The following KRTDAP variants were observed in gnomAD, a reference collection of about 807,000 sequenced individuals.
The protein encoded by KRTDAP is keratinocyte differentiation associated protein.
KRTDAP carries 14 observed loss-of-function variants against 18.6 expected under a neutral mutation model. The observed-to-expected ratio is 0.75, with a 90% CI of 0.50 to 1.18. The LOEUF (loss-of-function observed/expected upper bound fraction) is 1.18. Ranked by LOEUF, KRTDAP falls within the 50% of genes most tolerant of loss-of-function variation. KRTDAP has a pLI of 0.00. For synonymous variants in KRTDAP, 53 were observed against 49.5 expected, an observed-to-expected ratio of 1.07 and a Z score of -0.29; for missense variants, 114 against 121.3, an observed-to-expected ratio of 0.94 and a Z score of 0.28.
Position 35,488,732 on chromosome 19 carries a change from G to C in KRTDAP, c.127-29C>G, listed in dbSNP as rs749885487. ...GGCAGAAACGCAGGGTGTTAGGAAAGTTGCTAAGAAGCAAAAAGAGAGAGA... is the reference window on the plus strand; with the variant it reads ...GGCAGAAACGCAGGGTGTTAGGAAACTTGCTAAGAAGCAAAAAGAGAGAGA... On this transcript the variant is annotated intron_variant, in intron 2 of 5. Transcript: ENST00000338897. The C allele has an allele frequency of 3.7e-6, 6 of 1,614,190 alleles. No homozygotes were observed. The South Asian group carries it at 6.6e-5, about 18-fold the overall frequency.
intron 4 of KRTDAP, 86 bp downstream of exon 4, chr19:35,488,355 C>T: frequency 7.3e-7 from 1 of 1,369,168 alleles, no homozygotes. Context: ...AGGAACCAAC[C>T]CATACATTTA....
At chr19:35,490,250 G>T in intron 1 of KRTDAP, 106 bp downstream of exon 1, 1 of 658,020 alleles carries the variant, frequency 1.5e-6, no homozygotes, top group East Asian at 2.7e-5. Flanking sequence ...GCCCCCATCA[G>T]AATCCAAAAC....
chr19:35,489,805 G>A lies in KRTDAP; in HGVS notation c.87+551C>T, dbSNP rs896753435. Among the ~76,000 whole-genome samples the A allele has an allele frequency of 3.9e-5, 6 of 152,184 alleles. No individual in the cohort carries two copies. In the South Asian group the frequency reaches 1.2e-3, roughly 32 times the overall value. On this transcript the variant is annotated intron_variant, in intron 1 of 5. Coordinates refer to ENST00000338897, the MANE Select transcript of KRTDAP (RefSeq NM_207392.3). The stretch of plus-strand genomic sequence containing the variant: ...CCCGTCACCTGGGCACCACTCCCAG[G>A]GGCACAAATGAAGCAAAGAGGAGCT...
In KRTDAP at chr19:35,488,645, C is replaced by T. The variant is rs780193163; in HGVS notation, c.168+17G>A. On this transcript the variant is annotated intron_variant, in intron 3 of 5. Transcript: ENST00000338897. ...ATGAGGGTATTCGTGGGGGTAGCAC[C>T]AGAGAAGCGTACTCACAGATCGCAA... 2 of 1,614,060 alleles carry T rather than the reference C, an allele frequency of 1.2e-6. No individual in the cohort carries two copies. Among genetic ancestry groups the T allele is most frequent in the Admixed American group, 3.3e-5 (2 of 60,016 alleles).
Position 35,487,749 on chromosome 19 carries a change from C to T in KRTDAP, c.224G>A (p.Arg75Lys). ...NWHALFESIKRKLPFLNWDAF... is the reference protein window; with the variant it reads ...NWHALFESIKKKLPFLNWDAF... ...ATCCCAGTTGAGGAAAGGAAGTTTC[C>T]TTTTGATAGACTAAAAGAAAGAAAG... The change falls in exon 5 of 6, where the codon AGG becomes AAG. Residue 75 changes from arginine to lysine, a missense_variant. Transcript: ENST00000338897. 6.2e-7 allele frequency: 1 copy of T among 1,613,180 alleles called. No individual in the cohort carries two copies.
chr19:35,488,941 C>T, intron 1 of KRTDAP, 101 bp from the exon 2 acceptor site: 4 of 1,143,454 alleles, frequency 3.5e-6, no homozygotes, highest in Middle Eastern at 2.7e-4. Context: ...ACAGCCCAGT[C>T]CCCGAAAGAA....
At position 35,488,822 on chromosome 19, in the gene KRTDAP, T is replaced by C; in HGVS notation, c.106A>G (p.Asn36Asp). 6.2e-7 allele frequency: 1 copy of C among 1,614,022 alleles called. No individual in the cohort carries two copies. The highest frequency in any genetic ancestry group is 1.3e-5 in the African/African-American group (1 of 75,002). ...GGPEEESTIENYASRPEAFNT... is the reference protein window; with the variant it reads ...GGPEEESTIEDYASRPEAFNT... ...CTTACCTCGGGTCGTGACGCATAATTCTCAATGGTGCTTTCTTCCTGGAAA... is the reference window on the plus strand; with the variant it reads ...CTTACCTCGGGTCGTGACGCATAATCCTCAATGGTGCTTTCTTCCTGGAAA... Residue 36 changes from asparagine (N) to aspartate (D), a missense_variant, in exon 2 of 6, where the codon AAT becomes GAT. Asn to Asp is a conservative substitution (Grantham distance 23, BLOSUM62 1). Coordinates refer to ENST00000338897, the MANE Select transcript of KRTDAP (RefSeq NM_207392.3).
At chr19:35,488,979 G>C (rs866279392) in intron 1 of KRTDAP, 139 bp from the exon 2 acceptor site, 1 of 737,006 alleles carries the variant, frequency 1.4e-6, no homozygotes, top group Non-Finnish European at 2.3e-6. Context: ...CATGGTCTCC[G>C]TTCCAGTCGC....
chr19:35,487,809 A>C, intron 4 of KRTDAP, 50 bp from the exon 5 acceptor site: 1 of 1,242,332 alleles, frequency 8.0e-7, no homozygotes, highest in Non-Finnish European at 1.2e-6. Context: ...TCAGCCGGGC[A>C]TGGATGGGTA....
At position 35,487,388 on chromosome 19, in the gene KRTDAP, C is replaced by A; in HGVS notation, c.*40G>T. On this transcript the variant is annotated 3_prime_UTR_variant, in exon 6 of 6. Coordinates refer to ENST00000338897, the MANE Select transcript of KRTDAP (RefSeq NM_207392.3). ...GAAAGAGTTATGGTAGGTTGAGAAT[C>A]AGCGCTCACGCTAGCCCCCTCTTCC... The A allele has an allele frequency of 6.3e-7, 1 of 1,597,658 alleles. No individual in the cohort carries two copies. Among genetic ancestry groups the A allele is most frequent in the South Asian group, 1.1e-5 (1 of 90,782 alleles).
chr19:35,487,480 G>A lies in KRTDAP; in HGVS notation c.262-14C>T. On this transcript the variant is annotated splice_polypyrimidine_tract_variant and intron_variant, in intron 5 of 5. Coordinates refer to ENST00000338897, the MANE Select transcript of KRTDAP (RefSeq NM_207392.3). The stretch of plus-strand genomic sequence containing the variant: ...CAGTCCTTTCAGCTAGAGGGAGAGG[G>A]GTCAGGGTTAGATGGGGAACCCGTG... 1.2e-6 allele frequency: 2 copies of A among 1,613,460 alleles called. No homozygotes were observed. Among genetic ancestry groups the A allele is most frequent in the Non-Finnish European group, 1.7e-6 (2 of 1,179,416 alleles).
Position 35,487,337 on chromosome 19 carries a change from A to G in KRTDAP, c.*91T>C. The G allele has an allele frequency of 8.1e-7, 1 of 1,228,856 alleles. No individual in the cohort carries two copies. Among genetic ancestry groups the G allele is most frequent in the Non-Finnish European group, 1.2e-6 (1 of 828,364 alleles). The allele number at this position is 1,228,856 out of a possible 1,614,324, so 76.1% of individuals were successfully genotyped here. Reference sequence around the variant, plus strand: ...AGATACAGGAGCTGTTGGATGGAAAATGTTTTATTGGAGTTCCTGAGGCAG... The same window carrying G: ...AGATACAGGAGCTGTTGGATGGAAAGTGTTTTATTGGAGTTCCTGAGGCAG... On this transcript the variant is annotated 3_prime_UTR_variant, in exon 6 of 6. Transcript: ENST00000338897.
Position 35,488,469 on chromosome 19 carries a change from T to G in KRTDAP, c.185A>C (p.Glu62Ala). The G allele has an allele frequency of 6.2e-7, 1 of 1,613,444 alleles. No homozygotes were observed. Among genetic ancestry groups the G allele is most frequent in the African/African-American group, 1.3e-5 (1 of 75,030 alleles). ...DKLRSAFKAD[E>A]FLNWHALFES... Reference sequence around the variant, plus strand: ...AAAGAGGGCGTGCCAGTTCAGGAACTCATCAGCCTTAAACGCCTGAGGAGG... The same window carrying G: ...AAAGAGGGCGTGCCAGTTCAGGAACGCATCAGCCTTAAACGCCTGAGGAGG... Residue 62 changes from glutamate to alanine, a missense_variant, in exon 4 of 6, where the codon GAG (glutamate) becomes GCG (alanine). By Grantham distance (107) the Glu-to-Ala change is moderately radical. Coordinates refer to ENST00000338897, the MANE Select transcript of KRTDAP (RefSeq NM_207392.3).
At position 35,490,370 on chromosome 19, in the gene KRTDAP, G is replaced by C. The variant is rs146235027; in HGVS notation, c.73C>G (p.Leu25Val). ...LVLHSAQGAT[L>V]GGPEEESTIE... is the part of the protein sequence containing the mutation. ...GACGTGCTCACCTCAGGACCACCCAGGGTGGCTCCCTGGGCAGAGTGGAGC... is the reference window on the plus strand; with the variant it reads ...GACGTGCTCACCTCAGGACCACCCACGGTGGCTCCCTGGGCAGAGTGGAGC... Residue 25 changes from leucine to valine, a missense_variant, in exon 1 of 6, where the codon CTG (leucine) becomes GTG (valine). Leu to Val is a conservative substitution (Grantham distance 32, BLOSUM62 1). Coordinates refer to ENST00000338897, the MANE Select transcript of KRTDAP (RefSeq NM_207392.3). The C allele has an allele frequency of 6.4e-5, 103 of 1,611,850 alleles. No individual in the cohort carries two copies. The African/African-American group carries it at 1.3e-3, about 21-fold the overall frequency.
chr19:35,488,727 G>T (rs1290859805), intron 2 of KRTDAP, 24 bp from the exon 3 acceptor site: 1 of 1,614,212 alleles, frequency 6.2e-7, no homozygotes. Flanking sequence ...CAGGGTGTTA[G>T]GAAAGTTGCT....
intron 1 of KRTDAP, among the ~76,000 whole-genome samples, chr19:35,490,059 CT>C (rs3215382): frequency 0.47 from 70,887 of 151,798 alleles, 18,984 homozygotes; most frequent in African/African-American, 0.74. Context: ...GGTGAACACT[CT>C]TGAGAGCCCA....
chr19:35,489,318 T>C (rs1280244869), intron 1 of KRTDAP, among the ~76,000 whole-genome samples: 1 of 152,160 alleles, frequency 6.6e-6, no homozygotes, highest in Non-Finnish European at 1.5e-5. Flanking sequence ...TCCCCCTCCA[T>C]GGGGACCCCA....
Position 35,488,437 on chromosome 19 carries a change from T to G in KRTDAP, c.213+4A>C. The G allele has an allele frequency of 6.2e-7, 1 of 1,612,404 alleles. No homozygotes were observed. Among genetic ancestry groups the G allele is most frequent in the Non-Finnish European group, 8.5e-7 (1 of 1,179,426 alleles). ...AGGAGGGCAAGGGGCGCCGGAGCAC[T>G]CACCTCAAAGAGGGCGTGCCAGTTC... is the stretch of plus-strand genomic sequence containing the variant. On this transcript the variant is annotated splice_donor_region_variant and intron_variant, in intron 4 of 5. Coordinates refer to ENST00000338897, the MANE Select transcript of KRTDAP (RefSeq NM_207392.3).
rs373590372 is a variant in KRTDAP, at chr19:35,487,330, A to T, written c.*98T>A. 39 of 1,147,672 alleles carry T rather than the reference A, an allele frequency of 3.4e-5. No homozygotes were observed. The African/African-American group carries it at 5.3e-4, about 16-fold the overall frequency. The allele number at this position is 1,147,672 out of a possible 1,614,324, so 71.1% of individuals were successfully genotyped here. A position where few individuals can be genotyped will look rare whatever the true frequency, so the allele number is the denominator to read the frequency against. On this transcript the variant is annotated 3_prime_UTR_variant, in exon 6 of 6. Transcript: ENST00000338897. Reference sequence around the variant, plus strand: ...GAGACGCAGATACAGGAGCTGTTGGATGGAAAATGTTTTATTGGAGTTCCT... The same window carrying T: ...GAGACGCAGATACAGGAGCTGTTGGTTGGAAAATGTTTTATTGGAGTTCCT...
Sources: gnomAD v4.1 joint callset for allele counts (sites outside exome capture counted in the v4.1 genomes callset) on GRCh38, gnomAD v4.1.1 for gene constraint, MANE v1.5 for transcripts, NCBI Gene and HGNC (gene_info 2026-07-23, HGNC 2026-07-21) for gene names.